The following GFRA1 variants were observed in gnomAD, a reference collection of about 807,000 sequenced individuals.
GFRA1 encodes GDNF family receptor alpha-1.
GFRA1 carries 16 observed loss-of-function variants against 51.6 expected under a neutral mutation model. The ratio of observed to expected loss-of-function variants is 0.31; its 90% CI spans 0.21 to 0.47. The LOEUF (loss-of-function observed/expected upper bound fraction) is 0.47. GFRA1 is among the 20% of genes least tolerant of loss of function. GFRA1 has a pLI of 1.00. For missense variants in GFRA1, 530 were observed against 594.3 expected, an observed-to-expected ratio of 0.89 and a Z score of 1.13; for synonymous variants, 270 against 241.3, an observed-to-expected ratio of 1.12 and a Z score of -1.10.
At chr10:116,177,870 G>T (rs1961784396) in intron 5 of GFRA1, among the ~76,000 whole-genome samples, 2 of 152,168 alleles carry the variant, frequency 1.3e-5, no homozygotes, top group Non-Finnish European at 2.9e-5. Flanking sequence ...GAAAGGGAAT[G>T]TGCCATGAAA....
At chr10:116,192,464 G>A (rs1207410508) in intron 5 of GFRA1, among the ~76,000 whole-genome samples, 1 of 152,136 alleles carries the variant, frequency 6.6e-6, no homozygotes, top group African/African-American at 2.4e-5. Context: ...CCCACTTTCG[G>A]GGTCATTCCA....
intron 3 of GFRA1, among the ~76,000 whole-genome samples, chr10:116,269,876 G>A (rs917824779): frequency 3.9e-5 from 6 of 152,130 alleles, no homozygotes; most frequent in Non-Finnish European, 5.9e-5. Flanking sequence ...AGAGAGGGAA[G>A]AGCCGGTGAC....
At chr10:116,198,252 C>T (rs1466979463) in intron 5 of GFRA1, among the ~76,000 whole-genome samples, 2 of 152,140 alleles carry the variant, frequency 1.3e-5, no homozygotes, top group African/African-American at 2.4e-5. Context: ...CTGGAGGTCC[C>T]AAACCTCCAC....
chr10:116,237,959 A>G (rs1223443672), intron 4 of GFRA1, among the ~76,000 whole-genome samples: 1 of 152,198 alleles, frequency 6.6e-6, no homozygotes, highest in Non-Finnish European at 1.5e-5. Flanking sequence ...AGCGCTGATT[A>G]GACAGCCAAC....
chr10:116,267,940 AACACACACAC>A (rs58079628), intron 4 of GFRA1, among the ~76,000 whole-genome samples: 61 of 146,426 alleles, frequency 4.2e-4, no homozygotes, highest in Middle Eastern at 3.5e-3. Flanking sequence ...CTGACAGACT[AACACACACAC>A]ACACACACAC....
rs143651811 is a variant in GFRA1, at chr10:116,173,060, G to A, written c.433+38571C>T. On this transcript the variant is annotated intron_variant, in intron 5 of 10. Coordinates refer to ENST00000355422, the MANE Select transcript of GFRA1 (RefSeq NM_005264.8). Reference sequence around the variant, plus strand: ...CAGAAATTCTCCTCTCATAACACACGCATTTGTGGAATATATTCTATGTGC... The same window carrying A: ...CAGAAATTCTCCTCTCATAACACACACATTTGTGGAATATATTCTATGTGC... Among the ~76,000 whole-genome samples the A allele has an allele frequency of 2.7e-3, 405 of 152,274 alleles. 1 individual carries two copies. The highest frequency in any genetic ancestry group is 4.4e-3 in the Non-Finnish European group (297 of 68,012).
intron 4 of GFRA1, among the ~76,000 whole-genome samples, chr10:116,258,286 T>G (rs1259297774): frequency 2.7e-5 from 4 of 150,608 alleles, no homozygotes; most frequent in Non-Finnish European, 5.9e-5. Context: ...AACTGAAAAC[T>G]GATAGAGACT....
chr10:116,128,648 C>A (rs1343850310), intron 5 of GFRA1, among the ~76,000 whole-genome samples: 1 of 148,466 alleles, frequency 6.7e-6, no homozygotes, highest in Admixed American at 6.7e-5. Flanking sequence ...ATGGCGTGAA[C>A]CTGGGAGGCA....
At chr10:116,170,116 C>A (rs1350830940) in intron 5 of GFRA1, among the ~76,000 whole-genome samples, 2 of 152,196 alleles carry the variant, frequency 1.3e-5, no homozygotes, top group East Asian at 3.9e-4. Context: ...GTAAAGGGAA[C>A]TCTCCTGTCT....
intron 6 of GFRA1, among the ~76,000 whole-genome samples, chr10:116,103,571 T>A (rs933686963): frequency 6.6e-6 from 1 of 152,204 alleles, no homozygotes; most frequent in African/African-American, 2.4e-5. Context: ...GAAAAGCTAC[T>A]TTTTCCCAGG....
At chr10:116,088,542 G>T (rs1407388487) in intron 9 of GFRA1, among the ~76,000 whole-genome samples, 2 of 152,106 alleles carry the variant, frequency 1.3e-5, no homozygotes, top group Non-Finnish European at 2.9e-5. Context: ...GAGCCCCCGT[G>T]TCCTCAAACG....
intron 5 of GFRA1, among the ~76,000 whole-genome samples, chr10:116,169,525 G>A (rs181415454): frequency 2.6e-5 from 4 of 152,326 alleles, no homozygotes; most frequent in East Asian, 1.9e-4. Flanking sequence ...GGAGCAGAGC[G>A]CTGTGGCAGA....
intron 5 of GFRA1, among the ~76,000 whole-genome samples, chr10:116,163,867 C>T (rs1351137346): frequency 6.6e-6 from 1 of 152,188 alleles, no homozygotes; most frequent in African/African-American, 2.4e-5. Context: ...GGGTCTGTGT[C>T]CCCGAGTTTG....
intron 5 of GFRA1, among the ~76,000 whole-genome samples, chr10:116,179,624 G>A (rs915905058): frequency 6.6e-6 from 1 of 152,188 alleles, no homozygotes; most frequent in African/African-American, 2.4e-5. Flanking sequence ...AGAAGATATG[G>A]TGGGCCTTTT....
chr10:116,213,234 A>C (rs1965333143), intron 4 of GFRA1, among the ~76,000 whole-genome samples: 1 of 152,260 alleles, frequency 6.6e-6, no homozygotes. Context: ...CATTGTTTAT[A>C]CTGGCAAAAC....
At chr10:116,172,101 C>G (rs567624194) in intron 5 of GFRA1, among the ~76,000 whole-genome samples, 2 of 152,230 alleles carry the variant, frequency 1.3e-5, no homozygotes, top group East Asian at 3.9e-4. Context: ...GAAGATGAGA[C>G]CCGGTTAAAT....
intron 4 of GFRA1, among the ~76,000 whole-genome samples, chr10:116,238,341 G>A (rs1224945104): frequency 6.6e-6 from 1 of 152,138 alleles, no homozygotes; most frequent in Non-Finnish European, 1.5e-5. Context: ...CTAAGTGTTA[G>A]AAGAACAATG....
At chr10:116,081,565 C>T (rs1314352094) in intron 9 of GFRA1, among the ~76,000 whole-genome samples, 1 of 152,146 alleles carries the variant, frequency 6.6e-6, no homozygotes, top group African/African-American at 2.4e-5. Flanking sequence ...ATCTGTGTGC[C>T]TCGGGTCTCT....
rs188780421 is a variant in GFRA1, at chr10:116,229,766, G to A, written c.419-18121C>T. ...TTAAGGAAATATGTTACACTGTTGG[G>A]ACTCAGTCAATGATGGAAGGCTGGG... is the stretch of plus-strand genomic sequence containing the variant. On this transcript the variant is annotated intron_variant, in intron 4 of 10. Coordinates refer to ENST00000355422, the MANE Select transcript of GFRA1 (RefSeq NM_005264.8). Among the ~76,000 whole-genome samples the A allele has an allele frequency of 7.6e-4, 115 of 152,270 alleles. 1 individual carries two copies. Among genetic ancestry groups the A allele is most frequent in the Non-Finnish European group, 1.3e-3 (90 of 68,028 alleles).
Sources: gnomAD v4.1 joint callset for allele counts (sites outside exome capture counted in the v4.1 genomes callset) on GRCh38, gnomAD v4.1.1 for gene constraint, MANE v1.5 for transcripts, NCBI Gene and HGNC (gene_info 2026-07-23, HGNC 2026-07-21) for gene names.